The following TASP1 variants were observed in gnomAD, a reference collection of about 807,000 sequenced individuals.
TASP1 encodes the protein taspase 1, also known as threonine aspartase 1.
Under a neutral mutation model 56.6 loss-of-function variants are expected in TASP1, and 16 were observed. That is an observed-to-expected ratio of 0.28 (90% CI 0.19 to 0.43). TASP1 has a LOEUF of 0.43. Ranked by LOEUF, TASP1 falls within the 20% of genes least tolerant of loss-of-function variation. The probability of loss-of-function intolerance (pLI) is 1.00; values close to 1 mark genes in which losing one functional copy is unlikely to be tolerated. For synonymous variants in TASP1, 179 were observed against 184.2 expected (o/e 0.97, Z 0.23); for missense variants, 393 against 511.6 (o/e 0.77, Z 2.24).
chr20:13,162,549 G>A, the TASP1 span, among the ~76,000 whole-genome samples: 5 of 152,094 alleles, frequency 3.3e-5, no homozygotes, highest in African/African-American at 1.2e-4. Context: ...GGTAGCAATT[G>A]AACCTAAAGG....
chr20:13,112,495 G>T, the TASP1 span, among the ~76,000 whole-genome samples: 3 of 152,212 alleles, frequency 2.0e-5, no homozygotes, highest in Non-Finnish European at 4.4e-5. Flanking sequence ...TCAAAAGAAG[G>T]TGAAATAGAC....
chr20:13,225,054 C>G, the TASP1 span, among the ~76,000 whole-genome samples: 5 of 150,902 alleles, frequency 3.3e-5, no homozygotes, highest in African/African-American at 1.2e-4. Flanking sequence ...GGGGTTTCAC[C>G]GTGTTAGCCA....
At chr20:13,200,492 TTCTC>T in the TASP1 span, among the ~76,000 whole-genome samples, 1 of 150,826 alleles carries the variant, frequency 6.6e-6, no homozygotes, top group African/African-American at 2.4e-5. Context: ...CTAGTGAAGT[TTCTC>T]TCTCTCTCTC....
At chr20:13,110,303 C>A in the TASP1 span, 1 of 1,123,144 alleles carries the variant, frequency 8.9e-7, no homozygotes, top group Non-Finnish European at 1.3e-6. Context: ...CCTAGCTAAA[C>A]AGAGAAATGA....
chr20:13,397,864 G>A lies in TASP1; in HGVS notation c.1171-7412C>T, dbSNP rs2041598987. Reference sequence around the variant, plus strand: ...ACATTCTACGGAGTTTTACTACTGAGGGTTTCCCTTCAGGTCTGTAAGGGG... The same window carrying A: ...ACATTCTACGGAGTTTTACTACTGAAGGTTTCCCTTCAGGTCTGTAAGGGG... On this transcript the variant is annotated intron_variant, in intron 13 of 13. Transcript: ENST00000337743. Among the ~76,000 whole-genome samples the A allele has an allele frequency of 3.9e-5, 6 of 152,168 alleles. No individual in the cohort carries two copies. The South Asian group carries it at 1.2e-3, about 31-fold the overall frequency.
At chr20:13,334,258 T>C in the TASP1 span, among the ~76,000 whole-genome samples, 1 of 152,158 alleles carries the variant, frequency 6.6e-6, no homozygotes, top group Non-Finnish European at 1.5e-5. Flanking sequence ...TATAGAACAG[T>C]GAGAGAGAGT....
At chr20:13,473,809 A>C (rs1431373695) in intron 11 of TASP1, among the ~76,000 whole-genome samples, 1 of 152,170 alleles carries the variant, frequency 6.6e-6, no homozygotes, top group East Asian at 1.9e-4. Flanking sequence ...ATGGTGGCTC[A>C]CAACTGTAAT....
At chr20:13,160,722 A>G in the TASP1 span, among the ~76,000 whole-genome samples, 2 of 152,236 alleles carry the variant, frequency 1.3e-5, no homozygotes, top group Non-Finnish European at 2.9e-5. Flanking sequence ...TGCAAACACT[A>G]TTGAGAGTCA....
the TASP1 span, among the ~76,000 whole-genome samples, chr20:13,268,669 C>T: frequency 1.3e-5 from 2 of 152,200 alleles, no homozygotes; most frequent in Non-Finnish European, 2.9e-5. Flanking sequence ...TCTCCACCCT[C>T]CCCTTGGCTT....
rs950647494 is a variant in TASP1, at chr20:13,534,090, C to T, written c.727G>A (p.Glu243Lys). ...DTVGAVVVDH[E>K]GNVAAAVSSG... The stretch of plus-strand genomic sequence containing the variant: ...GAGACAGCAGCAGCAACATTCCCTT[C>T]GTGGTCCACAACCACAGCGCCTACC... Residue 243 changes from glutamate (E) to lysine (K), a missense_variant, in exon 9 of 14, where the codon GAA (glutamate) becomes AAA (lysine). Physicochemically the swap from Glu to Lys is moderately conservative, Grantham distance 56. Transcript: ENST00000337743. 6.2e-7 allele frequency: 1 copy of T among 1,613,706 alleles called. No individual in the cohort carries two copies. The highest frequency in any genetic ancestry group is 8.5e-7 in the Non-Finnish European group (1 of 1,179,710).
chr20:13,460,456 CATCTGCACA>C (rs2044015151), intron 11 of TASP1, among the ~76,000 whole-genome samples: 1 of 152,154 alleles, frequency 6.6e-6, no homozygotes, highest in Admixed American at 6.5e-5. Flanking sequence ...TTTAAAATAT[CATCTGCACA>C]CCATTGATTC....
chr20:13,224,300 C>T, the TASP1 span, among the ~76,000 whole-genome samples: 1 of 152,060 alleles, frequency 6.6e-6, no homozygotes, highest in African/African-American at 2.4e-5. Context: ...TTTCTTTGGC[C>T]CTCTGACTCT....
At chr20:13,261,120 A>G in the TASP1 span, among the ~76,000 whole-genome samples, 1 of 152,184 alleles carries the variant, frequency 6.6e-6, no homozygotes, top group Non-Finnish European at 1.5e-5. Context: ...CCGCAGTAAG[A>G]AGCTCAAAGA....
intron 8 of TASP1, among the ~76,000 whole-genome samples, chr20:13,535,810 C>T (rs1002807406): frequency 1.3e-5 from 2 of 152,120 alleles, no homozygotes; most frequent in African/African-American, 2.4e-5. Context: ...ACCTCTGTTT[C>T]GCAAGATTTG....
At chr20:13,566,102 A>G (rs2062475379) in intron 7 of TASP1, among the ~76,000 whole-genome samples, 1 of 150,736 alleles carries the variant, frequency 6.6e-6, no homozygotes, top group South Asian at 2.1e-4. Flanking sequence ...AAGGACAAGT[A>G]CTCTATGATT....
intron 10 of TASP1, among the ~76,000 whole-genome samples, chr20:13,508,141 CT>C (rs1404949366): frequency 6.6e-6 from 1 of 151,394 alleles, no homozygotes; most frequent in Non-Finnish European, 1.5e-5. Flanking sequence ...AGTAAAACTC[CT>C]AGAAGAAAAC....
the TASP1 span, among the ~76,000 whole-genome samples, chr20:13,328,865 G>C: frequency 0.047 from 7,093 of 152,010 alleles, 408 homozygotes; most frequent in African/African-American, 0.13. Context: ...CTTAATACCT[G>C]GGTGATGGGA....
chr20:13,630,476 G>A (rs998109840), intron 1 of TASP1, among the ~76,000 whole-genome samples: 5 of 151,870 alleles, frequency 3.3e-5, no homozygotes, highest in East Asian at 1.9e-4. Flanking sequence ...ATCACCTGAG[G>A]TCAGGAGTTC....
At chr20:13,150,899 A>G in the TASP1 span, among the ~76,000 whole-genome samples, 8 of 152,164 alleles carry the variant, frequency 5.3e-5, no homozygotes, top group Admixed American at 5.2e-4. Context: ...TTGTTCATTC[A>G]TCATTTATTG....
Sources: allele counts gnomAD v4.1 joint callset (sites outside exome capture counted in the v4.1 genomes callset), GRCh38; gene constraint gnomAD v4.1.1; transcripts MANE v1.5; gene names NCBI Gene and HGNC (gene_info 2026-07-23, HGNC 2026-07-21).